The following CADM2 variants were observed in gnomAD, a reference collection of about 807,000 sequenced individuals.
The protein encoded by CADM2 is cell adhesion molecule 2.
Under a neutral mutation model 49.8 loss-of-function variants are expected in CADM2, and 12 were observed. The ratio of observed to expected loss-of-function variants is 0.24; its 90% confidence interval spans 0.15 to 0.39. The LOEUF (loss-of-function observed/expected upper bound fraction) is 0.39, where lower values mean the gene tolerates loss of function less well. CADM2 is among the 10% of genes least tolerant of loss of function. The pLI is 1.00. For missense variants in CADM2, 378 were observed against 492.3 expected, an observed-to-expected ratio of 0.77 and a Z score of 2.20; for synonymous variants, 214 against 175.4, an observed-to-expected ratio of 1.22 and a Z score of -1.74.
At chr3:85,822,475 T>C (rs1221326499) in intron 3 of CADM2, among the ~76,000 whole-genome samples, 2 of 151,982 alleles carry the variant, frequency 1.3e-5, no homozygotes, top group African/African-American at 4.8e-5. Context: ...TCCCAGCTAC[T>C]TGGGAGGCTA....
intron 1 of CADM2, among the ~76,000 whole-genome samples, chr3:85,506,018 C>T (rs1419437400): frequency 6.6e-6 from 1 of 152,060 alleles, no homozygotes; most frequent in Non-Finnish European, 1.5e-5. Flanking sequence ...AAATCTGATC[C>T]TTTTGTTTGA....
intron 1 of CADM2, among the ~76,000 whole-genome samples, chr3:85,488,909 A>T (rs993108613): frequency 5.3e-5 from 8 of 152,100 alleles, no homozygotes; most frequent in African/African-American, 1.9e-4. Context: ...AAGCTGTAGT[A>T]AAAAAAGAAA....
chr3:85,146,047 A>C, intron 1 of CADM2, among the ~76,000 whole-genome samples: 1 of 152,150 alleles, frequency 6.6e-6, no homozygotes, highest in East Asian at 1.9e-4. Flanking sequence ...TTTAAGGAAT[A>C]TTTTTAACCA....
chr3:85,840,787 A>G (rs1163993466), intron 3 of CADM2, among the ~76,000 whole-genome samples: 6 of 151,856 alleles, frequency 4.0e-5, no homozygotes, highest in Non-Finnish European at 8.8e-5. Flanking sequence ...AATTATATGG[A>G]TAGAACTTTG....
intron 1 of CADM2, among the ~76,000 whole-genome samples, chr3:85,704,164 C>G (rs969199378): frequency 3.3e-5 from 5 of 152,086 alleles, no homozygotes; most frequent in Admixed American, 1.3e-4. Flanking sequence ...TTTTTGTTTA[C>G]TAAAAATCTC....
chr3:85,871,846 T>A (rs1402395759), intron 3 of CADM2, among the ~76,000 whole-genome samples: 1 of 152,312 alleles, frequency 6.6e-6, no homozygotes, highest in African/African-American at 2.4e-5. Context: ...CTTTAAGAAA[T>A]TTTTAAATGG....
chr3:85,850,076 G>C (rs2075036228), intron 3 of CADM2, among the ~76,000 whole-genome samples: 1 of 152,052 alleles, frequency 6.6e-6, no homozygotes, highest in Admixed American at 6.6e-5. Flanking sequence ...ATGTTTTCAG[G>C]TCTTGACACA....
chr3:85,505,654 A>G (rs1406107145), intron 1 of CADM2, among the ~76,000 whole-genome samples: 5 of 152,212 alleles, frequency 3.3e-5, no homozygotes, highest in African/African-American at 9.6e-5. Context: ...AGTAGCCATC[A>G]TATGTTAGAG....
At chr3:85,275,991 A>G (rs924103103) in intron 1 of CADM2, among the ~76,000 whole-genome samples, 2 of 151,380 alleles carry the variant, frequency 1.3e-5, no homozygotes, top group Non-Finnish European at 3.0e-5. Context: ...GCAGTGACCT[A>G]TGTACTACTG....
intron 1 of CADM2, among the ~76,000 whole-genome samples, chr3:84,982,843 T>C (rs2032291367): frequency 6.6e-6 from 1 of 151,086 alleles, no homozygotes; most frequent in Non-Finnish European, 1.5e-5. Context: ...CGTCCCTGGT[T>C]CAAGCGATTC....
At chr3:85,792,993 T>C (rs961165674) in intron 2 of CADM2, among the ~76,000 whole-genome samples, 1 of 151,982 alleles carries the variant, frequency 6.6e-6, no homozygotes, top group Non-Finnish European at 1.5e-5. Context: ...CCATGGAACA[T>C]TTGAGGGAGG....
At position 86,073,118 on chromosome 3, in the gene CADM2, T is replaced by C. The variant is rs1202996440; in HGVS notation, c.*6335T>C. The C allele has an allele frequency of 6.6e-6, 1 of 152,066 alleles. No individual in the cohort carries two copies. The highest frequency in any genetic ancestry group is 2.4e-5 in the African/African-American group (1 of 41,444). The allele number at this position is 152,066 out of a possible 1,614,324, so 9.4% of individuals were successfully genotyped here. On this transcript the variant is annotated 3_prime_UTR_variant, in exon 10 of 10. Transcript: ENST00000383699. ...ACAAAAAATATTCCCTCAAGAAAGC[T>C]CCATTTTTATCATAAACATTTCAAC...
intron 1 of CADM2, among the ~76,000 whole-genome samples, chr3:85,252,836 G>C (rs528089878): frequency 6.7e-6 from 1 of 149,140 alleles, no homozygotes; most frequent in Non-Finnish European, 1.5e-5. Flanking sequence ...AGTAGTCCTT[G>C]AATCTGACTG....
At chr3:85,460,247 A>AT (rs1325430899) in intron 1 of CADM2, among the ~76,000 whole-genome samples, 2 of 151,292 alleles carry the variant, frequency 1.3e-5, no homozygotes, top group African/African-American at 4.9e-5. Flanking sequence ...AGAAGGGAGT[A>AT]TTTCTGAATA....
chr3:85,768,692 T>C (rs1487653743), intron 2 of CADM2, among the ~76,000 whole-genome samples: 1 of 146,288 alleles, frequency 6.8e-6, no homozygotes, highest in African/African-American at 2.5e-5. Flanking sequence ...TACACATATA[T>C]AGTATAAATA....
intron 1 of CADM2, among the ~76,000 whole-genome samples, chr3:85,105,654 T>C (rs1463946426): frequency 2.0e-5 from 3 of 152,196 alleles, no homozygotes; most frequent in South Asian, 2.1e-4. Flanking sequence ...CTTATGTTTA[T>C]TGTGACACTA....
At chr3:85,393,499 A>G (rs2034619353) in intron 1 of CADM2, among the ~76,000 whole-genome samples, 1 of 152,168 alleles carries the variant, frequency 6.6e-6, no homozygotes, top group South Asian at 2.1e-4. Context: ...AAGGGCTCAG[A>G]ATTTTCTGAG....
intron 1 of CADM2, among the ~76,000 whole-genome samples, chr3:85,268,706 C>T (rs2043173407): frequency 6.6e-6 from 1 of 151,272 alleles, no homozygotes; most frequent in South Asian, 2.1e-4. Flanking sequence ...GAACCAGAAG[C>T]CTAATGCATT....
intron 1 of CADM2, among the ~76,000 whole-genome samples, chr3:85,354,585 A>ATTATTATTATTATTATACTTTAAGTTTT (rs2031685147): frequency 6.8e-6 from 1 of 146,732 alleles, no homozygotes; most frequent in Non-Finnish European, 1.5e-5. Flanking sequence ...TGGGCATTTT[A>ATTATTATTATTATTATACTTTAAGTTTT]AATACATACA....
Sources: allele counts gnomAD v4.1 joint callset (sites outside exome capture counted in the v4.1 genomes callset), GRCh38; gene constraint gnomAD v4.1.1; transcripts MANE v1.5; gene names NCBI Gene and HGNC (gene_info 2026-07-23, HGNC 2026-07-21).